The following GRM8 variants were observed in gnomAD, a reference collection of about 807,000 sequenced individuals.
GRM8 encodes glutamate metabotropic receptor 8, also known as metabotropic glutamate receptor 8.
GRM8 carries 47 observed loss-of-function variants against 87.2 expected under a neutral mutation model. The observed-to-expected ratio is 0.54, with a 90% CI of 0.43 to 0.69. The LOEUF is 0.69. GRM8 is among the 30% of genes least tolerant of loss of function. GRM8 has a pLI of 0.00. For missense variants in GRM8, 1,019 were observed against 1,139.2 expected (o/e 0.89, Z 1.52); for synonymous variants, 396 against 404.5 (o/e 0.98, Z 0.25).
intron 6 of GRM8, among the ~76,000 whole-genome samples, chr7:126,861,562 C>T (rs1237724844): frequency 1.3e-5 from 2 of 151,826 alleles, no homozygotes; most frequent in South Asian, 2.1e-4. Flanking sequence ...TTTGGTACGG[C>T]CAGATATTTT....
rs1053770314 is a variant in GRM8, at chr7:126,439,029, C to T, written c.*90G>A. ...TATTGATTTGATTGATTGTAGTCTA[C>T]GGAGATCTCCAGGAGTGAATTTTTG... On this transcript the variant is annotated 3_prime_UTR_variant, in exon 11 of 11. Coordinates refer to ENST00000339582, the MANE Select transcript of GRM8 (RefSeq NM_000845.3). 39 of 802,750 alleles carry T rather than the reference C, an allele frequency of 4.9e-5. 1 individual carries two copies. The highest frequency in any genetic ancestry group is 4.2e-4 in the South Asian group (31 of 73,634). The allele number at this position is 802,750 out of a possible 1,614,324, so 49.7% of individuals were successfully genotyped here. A position where few individuals can be genotyped will look rare whatever the true frequency, so the allele number is the denominator to read the frequency against.
At chr7:126,662,323 A>G (rs1805267288) in intron 7 of GRM8, among the ~76,000 whole-genome samples, 1 of 152,224 alleles carries the variant, frequency 6.6e-6, no homozygotes, top group Admixed American at 6.5e-5. Flanking sequence ...AAAAGTGTCT[A>G]TGACATCTTA....
chr7:126,968,000 C>A (rs1472008350), intron 3 of GRM8, among the ~76,000 whole-genome samples: 1 of 152,080 alleles, frequency 6.6e-6, no homozygotes, highest in Non-Finnish European at 1.5e-5. Flanking sequence ...AATATTCATG[C>A]AGAGTTAAAT....
At chr7:126,683,905 A>G (rs1215704361) in intron 7 of GRM8, among the ~76,000 whole-genome samples, 1 of 152,202 alleles carries the variant, frequency 6.6e-6, no homozygotes, top group Non-Finnish European at 1.5e-5. Flanking sequence ...TGTGTGAGAT[A>G]GCATTAAAAC....
In GRM8 at chr7:126,754,948, C is replaced by T. The variant is rs1257946231; in HGVS notation, c.1357+14917G>A. Reference sequence around the variant, plus strand: ...AAGCCAAAAGATGGTTTCAATAATGCTAAAAAGAAAAAAAAAATCCAACAC... The same window carrying T: ...AAGCCAAAAGATGGTTTCAATAATGTTAAAAAGAAAAAAAAAATCCAACAC... On this transcript the variant is annotated intron_variant, in intron 7 of 10. Coordinates refer to ENST00000339582, the MANE Select transcript of GRM8 (RefSeq NM_000845.3). Among the ~76,000 whole-genome samples the T allele has an allele frequency of 2.4e-5, 3 of 125,236 alleles. No homozygotes were observed. The South Asian group carries it at 7.3e-4, about 30-fold the overall frequency. The allele number at this position is 125,236 out of a possible 152,430, so 82.2% of individuals were successfully genotyped here.
intron 7 of GRM8, among the ~76,000 whole-genome samples, chr7:126,707,270 G>T (rs954990685): frequency 1.3e-5 from 2 of 152,048 alleles, no homozygotes; most frequent in Non-Finnish European, 2.9e-5. Flanking sequence ...TCCACAAAAA[G>T]ACTATAGCTA....
intron 7 of GRM8, among the ~76,000 whole-genome samples, chr7:126,737,373 C>A (rs186244625): frequency 1.3e-5 from 2 of 152,084 alleles, no homozygotes; most frequent in Admixed American, 1.3e-4. Flanking sequence ...ATCAGCACTT[C>A]CAACTTACTG....
intron 8 of GRM8, among the ~76,000 whole-genome samples, chr7:126,573,903 C>G (rs986549226): frequency 2.0e-5 from 3 of 152,098 alleles, no homozygotes; most frequent in Admixed American, 6.6e-5. Flanking sequence ...TCCAACCTTT[C>G]TTATCACATT....
intron 8 of GRM8, among the ~76,000 whole-genome samples, chr7:126,550,781 A>G (rs565460458): frequency 6.8e-4 from 103 of 152,014 alleles, no homozygotes; most frequent in African/African-American, 2.4e-3. Flanking sequence ...ATGATACATA[A>G]TACTATAAGA....
chr7:127,171,719 C>CA (rs1394849572), intron 2 of GRM8, among the ~76,000 whole-genome samples: 1 of 152,056 alleles, frequency 6.6e-6, no homozygotes, highest in African/African-American at 2.4e-5. Flanking sequence ...AAACTGGAAA[C>CA]AAAAAATTTT....
chr7:126,773,503 T>A, intron 6 of GRM8, among the ~76,000 whole-genome samples: 3 of 152,326 alleles, frequency 2.0e-5, no homozygotes, highest in Middle Eastern at 6.8e-3. Context: ...TGTTCTTGAT[T>A]TAATATATTA....
chr7:126,747,953 ATATTT>A (rs1232413091), intron 7 of GRM8, among the ~76,000 whole-genome samples: 1 of 151,934 alleles, frequency 6.6e-6, no homozygotes, highest in Non-Finnish European at 1.5e-5. Flanking sequence ...TAATGTTCAT[ATATTT>A]TATATTATTT....
chr7:126,928,190 G>C (rs1034355483), intron 3 of GRM8, among the ~76,000 whole-genome samples: 89 of 127,238 alleles, frequency 7.0e-4, no homozygotes, highest in Non-Finnish European at 6.7e-4. Flanking sequence ...GACACAGGGA[G>C]GAGAACATCA....
chr7:126,561,143 T>C (rs2150958587), intron 8 of GRM8, among the ~76,000 whole-genome samples: 1 of 152,274 alleles, frequency 6.6e-6, no homozygotes, highest in East Asian at 1.9e-4. Context: ...ATTGGCACCT[T>C]TTGTCTTGTA....
chr7:126,685,460 A>C lies in GRM8; in HGVS notation c.1358-75962T>G, dbSNP rs1248385897. Among the ~76,000 whole-genome samples, 1 of 152,100 alleles carries C rather than the reference A, an allele frequency of 6.6e-6. No homozygotes were observed. The highest frequency in any genetic ancestry group is 2.4e-5 in the African/African-American group (1 of 41,422). On this transcript the variant is annotated intron_variant, in intron 7 of 10. Transcript: ENST00000339582. The surrounding 1 kb of genome is among the most constrained non-coding windows in gnomAD (Gnocchi z 4.2). The stretch of plus-strand genomic sequence containing the variant: ...GCTGCTCTGCCCCATCTCTGGACCC[A>C]GGCATCTCTGTGTTCCTGGGGGCCC...
intron 3 of GRM8, chr7:127,058,284 G>C: frequency 2.7e-6 from 1 of 372,124 alleles, no homozygotes; most frequent in South Asian, 2.1e-5. Context: ...ACTCCTGGTT[G>C]GTAGGCGAGA....
intron 3 of GRM8, among the ~76,000 whole-genome samples, chr7:127,069,131 C>T (rs1174241887): frequency 3.9e-5 from 6 of 152,106 alleles, no homozygotes; most frequent in African/African-American, 1.2e-4. Context: ...GCAGCCAGTA[C>T]ACATTGTTGT....
At chr7:126,932,995 G>GA (rs1805924952) in intron 3 of GRM8, among the ~76,000 whole-genome samples, 1 of 152,128 alleles carries the variant, frequency 6.6e-6, no homozygotes, top group Non-Finnish European at 1.5e-5. Flanking sequence ...TCTAGTGGCT[G>GA]AAACCTATCC....
At chr7:126,621,996 TC>T (rs1254023530) in intron 7 of GRM8, among the ~76,000 whole-genome samples, 1 of 152,174 alleles carries the variant, frequency 6.6e-6, no homozygotes, top group Non-Finnish European at 1.5e-5. Flanking sequence ...CCCTCTATTC[TC>T]TTGCGCTTCT....
Sources: gnomAD v4.1 joint callset for allele counts (sites outside exome capture counted in the v4.1 genomes callset) on GRCh38, gnomAD v4.1.1 for gene constraint, Gnocchi (gnomAD v3.1) non-coding constraint, MANE v1.5 for transcripts, NCBI Gene and HGNC (gene_info 2026-07-23, HGNC 2026-07-21) for gene names.